Variants in CUL1 observed in about 807,000 individuals in gnomAD.
CUL1 encodes cullin-1.
Under a neutral mutation model 118.0 loss-of-function variants are expected in CUL1, and 24 were observed. The ratio of observed to expected loss-of-function variants is 0.20; its 90% CI spans 0.15 to 0.29. The LOEUF is 0.29. Among genes scored for constraint, CUL1 ranks in the 10% least tolerant of loss-of-function variants. The pLI is 1.00. For synonymous variants in CUL1, 332 were observed against 340.4 expected, an observed-to-expected ratio of 0.98 and a Z score of 0.27; for missense variants, 361 against 933.8, an observed-to-expected ratio of 0.39 and a Z score of 7.99.
intron 1 of CUL1, among the ~76,000 whole-genome samples, chr7:148,719,591 G>A (rs1798333385): frequency 6.6e-6 from 1 of 152,166 alleles, no homozygotes; most frequent in East Asian, 1.9e-4. Context: ...ACAAGATGCT[G>A]GTCCCTGTCC....
chr7:148,725,219 G>GCGCGCACACACACACACACACACACACA, intron 1 of CUL1, among the ~76,000 whole-genome samples: 9 of 140,150 alleles, frequency 6.4e-5, no homozygotes, highest in East Asian at 2.2e-4. Context: ...ACACGCGCGC[G>GCGCGCACACACACACACACACACACACA]CTCACACACA....
intron 9 of CUL1, among the ~76,000 whole-genome samples, chr7:148,781,903 C>G (rs1376749667): frequency 6.6e-6 from 1 of 152,016 alleles, no homozygotes; most frequent in South Asian, 2.1e-4. Context: ...ATATATAAAC[C>G]CTGTGAGGGG....
chr7:148,789,688 C>T, intron 14 of CUL1, 62 bp from the exon 15 acceptor site: 1 of 1,314,454 alleles, frequency 7.6e-7, no homozygotes, highest in Non-Finnish European at 1.1e-6. Context: ...TTGAATTTTT[C>T]AGTTTATAAA....
chr7:148,703,713 A>G (rs1300056253), intron 1 of CUL1, among the ~76,000 whole-genome samples: 2 of 151,912 alleles, frequency 1.3e-5, no homozygotes, highest in South Asian at 2.1e-4. Flanking sequence ...TTGTATTTTT[A>G]GTAGGGACGG....
intron 9 of CUL1, among the ~76,000 whole-genome samples, chr7:148,772,276 G>T (rs1200856304): frequency 6.6e-6 from 1 of 152,084 alleles, no homozygotes; most frequent in South Asian, 2.1e-4. Context: ...TTAGCCGGGC[G>T]TGTTAGCAGG....
chr7:148,791,630 C>T (rs1039369695), intron 16 of CUL1, among the ~76,000 whole-genome samples: 2 of 152,244 alleles, frequency 1.3e-5, no homozygotes, highest in Non-Finnish European at 2.9e-5. Context: ...TAGCAACACG[C>T]TCGTTCCCTT....
chr7:148,782,440 T>A (rs1236815394), intron 9 of CUL1, among the ~76,000 whole-genome samples: 1 of 152,228 alleles, frequency 6.6e-6, no homozygotes, highest in Non-Finnish European at 1.5e-5. Context: ...TTTAACATTT[T>A]TAAGATGGTA....
rs201135389 is a variant in CUL1 at position 148,800,496 on chromosome 7, A to G, written c.2251-6A>G. On this transcript the variant is annotated splice_region_variant and splice_polypyrimidine_tract_variant and intron_variant, in intron 21 of 21. Coordinates refer to ENST00000325222, the MANE Select transcript of CUL1 (RefSeq NM_003592.3). This position sits in a 1 kb window ranked among gnomAD's most constrained non-coding sequence, Gnocchi z 4.6. The stretch of plus-strand genomic sequence containing the variant: ...CTACCTCTTCCTTTTTAAAAATAAC[A>G]CCCAGAAATGCATTGACATTCTAAT... 7.4e-6 allele frequency: 12 copies of G among 1,610,858 alleles called. No homozygotes were observed. The African/African-American group carries it at 1.5e-4, about 20-fold the overall frequency.
At chr7:148,708,454 C>G (rs912888947) in intron 1 of CUL1, among the ~76,000 whole-genome samples, 2 of 152,348 alleles carry the variant, frequency 1.3e-5, no homozygotes, top group East Asian at 3.8e-4. Context: ...TCTTTGGCCC[C>G]GCTGTCACCA....
chr7:148,792,094 G>A lies in CUL1; in HGVS notation c.1807-632G>A, dbSNP rs56216364. 8.2e-3 allele frequency among the ~76,000 whole-genome samples: 1,244 copies of A among 152,178 alleles called. 12 individuals are homozygous for A. The highest frequency in any genetic ancestry group is 0.012 in the Non-Finnish European group (787 of 68,008). ...CCAGCTACTCTGGAGGCCAAGGCAG[G>A]AGAATCCCTTGAACCTGGGAGGCGG... On this transcript the variant is annotated intron_variant, in intron 16 of 21. Transcript: ENST00000325222.
intron 17 of CUL1, among the ~76,000 whole-genome samples, chr7:148,793,813 G>A (rs1028854162): frequency 1.3e-5 from 2 of 152,066 alleles, no homozygotes; most frequent in Admixed American, 6.5e-5. Flanking sequence ...AATTTTTTGA[G>A]GCACTGCCAG....
intron 17 of CUL1, among the ~76,000 whole-genome samples, chr7:148,793,758 T>G (rs1004761294): frequency 6.6e-6 from 1 of 152,228 alleles, no homozygotes; most frequent in African/African-American, 2.4e-5. Flanking sequence ...TCAATTTTCC[T>G]GGGTATATAC....
intron 2 of CUL1, among the ~76,000 whole-genome samples, chr7:148,732,773 T>C (rs1340273308): frequency 6.6e-6 from 1 of 152,198 alleles, no homozygotes; most frequent in Non-Finnish European, 1.5e-5. Flanking sequence ...AATAATTAAA[T>C]TCGTATAATT....
At chr7:148,733,513 G>A (rs1798835286) in intron 2 of CUL1, among the ~76,000 whole-genome samples, 1 of 152,182 alleles carries the variant, frequency 6.6e-6, no homozygotes, top group African/African-American at 2.4e-5. Flanking sequence ...TTGCATAACA[G>A]AGCAGTTTTT....
chr7:148,775,719 A>T (rs892634588), intron 9 of CUL1, among the ~76,000 whole-genome samples: 1 of 152,234 alleles, frequency 6.6e-6, no homozygotes, highest in African/African-American at 2.4e-5. Context: ...TCAGAGAAAC[A>T]AGGATGGTTT....
At chr7:148,795,863 C>A (rs1018221018) in intron 17 of CUL1, among the ~76,000 whole-genome samples, 1 of 151,596 alleles carries the variant, frequency 6.6e-6, no homozygotes, top group African/African-American at 2.4e-5. Flanking sequence ...AATTTATTAG[C>A]TCAAATAGTT....
chr7:148,765,355 C>T (rs377349488), intron 7 of CUL1, among the ~76,000 whole-genome samples: 17 of 152,192 alleles, frequency 1.1e-4, no homozygotes, highest in African/African-American at 3.6e-4. Flanking sequence ...GGGCAAGGCA[C>T]GGTAGCTGGA....
chr7:148,733,880 C>A (rs1169896691), intron 2 of CUL1, among the ~76,000 whole-genome samples: 1 of 152,108 alleles, frequency 6.6e-6, no homozygotes, highest in Non-Finnish European at 1.5e-5. Context: ...AAAGCAACTA[C>A]TTCTTGCTGT....
chr7:148,762,715 T>C (rs1799873422), intron 7 of CUL1, among the ~76,000 whole-genome samples: 1 of 152,276 alleles, frequency 6.6e-6, no homozygotes, highest in African/African-American at 2.4e-5. Flanking sequence ...GCGAGCCTGT[T>C]CTTTTTATGG....
Sources: gnomAD v4.1 joint callset for allele counts (sites outside exome capture counted in the v4.1 genomes callset) on GRCh38, gnomAD v4.1.1 for gene constraint, Gnocchi (gnomAD v3.1) non-coding constraint, MANE v1.5 for transcripts, NCBI Gene and HGNC (gene_info 2026-07-23, HGNC 2026-07-21) for gene names.